Variants in SEMA6D observed in about 807,000 individuals in gnomAD.
SEMA6D encodes semaphorin-6D.
In SEMA6D, 35 loss-of-function variants were observed where a neutral mutation model predicts 106.6. The observed-to-expected ratio is 0.33, with a 90% CI of 0.25 to 0.44. SEMA6D has a LOEUF of 0.44. SEMA6D is among the 20% of genes least tolerant of loss of function. The pLI, the probability that SEMA6D is intolerant of heterozygous loss-of-function variation, is 1.00. For synonymous variants in SEMA6D, 499 were observed against 487.7 expected (o/e 1.02, Z -0.31); for missense variants, 1,185 against 1,345.9 (o/e 0.88, Z 1.87).
chr15:47,552,880 A>AT lies in SEMA6D; in HGVS notation c.-86-47985_-86-47984insT, dbSNP rs2045784624. ...TATATATATATTTTTATATATATAT[A>AT]AATATATATAAATATATATATATAT... is the stretch of plus-strand genomic sequence containing the variant. On this transcript the variant is annotated intron_variant, in intron 3 of 19. Coordinates refer to the SEMA6D transcript ENST00000558014. Among the ~76,000 whole-genome samples the AT allele has an allele frequency of 1.3e-3, 7 of 5,506 alleles. No individual in the cohort carries two copies. The East Asian group carries it at 0.025, about 20-fold the overall frequency. The allele number at this position is 5,506 out of a possible 152,430, so 3.6% of individuals were successfully genotyped here.
chr15:47,219,340 C>A (rs973500494), intron 1 of SEMA6D, among the ~76,000 whole-genome samples: 1 of 152,146 alleles, frequency 6.6e-6, no homozygotes, highest in Non-Finnish European at 1.5e-5. Context: ...CAATAAAATT[C>A]TTTTAGGCGG....
At chr15:47,354,497 T>TTTTA (rs1555426844) in intron 1 of SEMA6D, among the ~76,000 whole-genome samples, 2 of 145,486 alleles carry the variant, frequency 1.4e-5, no homozygotes, top group Admixed American at 7.0e-5. Context: ...AAGAACTAAG[T>TTTTA]TATATATATA....
At chr15:47,328,208 G>A (rs1214709674) in intron 1 of SEMA6D, among the ~76,000 whole-genome samples, 1 of 152,180 alleles carries the variant, frequency 6.6e-6, no homozygotes, top group African/African-American at 2.4e-5. Flanking sequence ...AGTAAAGAAG[G>A]CAGGAAACAT....
At chr15:47,485,653 A>G (rs145652686) in intron 3 of SEMA6D, among the ~76,000 whole-genome samples, 2 of 152,282 alleles carry the variant, frequency 1.3e-5, no homozygotes, top group African/African-American at 4.8e-5. Flanking sequence ...CTGATGACAC[A>G]TTGCAAGAAA....
chr15:47,432,488 A>G (rs1457882915), intron 2 of SEMA6D, among the ~76,000 whole-genome samples: 1 of 107,888 alleles, frequency 9.3e-6, no homozygotes, highest in Non-Finnish European at 2.1e-5. Context: ...TTATTTCTAT[A>G]TATATATATA....
At chr15:47,604,878 T>TTTTG (rs2076744480) in intron 4 of SEMA6D, among the ~76,000 whole-genome samples, 1 of 151,246 alleles carries the variant, frequency 6.6e-6, no homozygotes. Flanking sequence ...TTTTTTTTTT[T>TTTTG]TGTATTTTTA....
At chr15:47,517,396 G>A (rs2044423177) in intron 3 of SEMA6D, among the ~76,000 whole-genome samples, 1 of 152,096 alleles carries the variant, frequency 6.6e-6, no homozygotes, top group Admixed American at 6.5e-5. Flanking sequence ...GTGTGTGCGT[G>A]TGTGTGTTTA....
At position 47,239,595 on chromosome 15, in the gene SEMA6D, CGTCTTAG is replaced by C. The variant is rs1417633565; in HGVS notation, c.-239+55180_-239+55186del. On this transcript the variant is annotated intron_variant, in intron 1 of 19. Transcript: ENST00000558014. ...GAAAGAATATGGGCTTCGGAGTTCA[CGTCTTAG>C]GTTCAAATCCTTCTGTGTCCACTGG... 2.6e-5 allele frequency among the ~76,000 whole-genome samples: 4 copies of C among 152,264 alleles called. No homozygotes were observed. The East Asian group carries it at 7.7e-4, about 29-fold the overall frequency.
At chr15:47,315,583 C>G (rs1004593562) in intron 1 of SEMA6D, among the ~76,000 whole-genome samples, 3 of 152,136 alleles carry the variant, frequency 2.0e-5, no homozygotes, top group Admixed American at 2.0e-4. Context: ...TATTCTGGGT[C>G]TTTTGCCTCT....
At chr15:47,188,273 C>T (rs1893709127) in intron 1 of SEMA6D, among the ~76,000 whole-genome samples, 1 of 151,878 alleles carries the variant, frequency 6.6e-6, no homozygotes. Context: ...TCAAATAAGC[C>T]CATTTAAATA....
intron 1 of SEMA6D, among the ~76,000 whole-genome samples, chr15:47,376,773 T>G (rs2039464347): frequency 6.6e-6 from 1 of 152,188 alleles, no homozygotes; most frequent in South Asian, 2.1e-4. Flanking sequence ...GTAAAATATG[T>G]TAAGTACCCC....
intron 1 of SEMA6D, among the ~76,000 whole-genome samples, chr15:47,228,551 A>G (rs2031974495): frequency 6.6e-6 from 1 of 151,948 alleles, no homozygotes; most frequent in Non-Finnish European, 1.5e-5. Context: ...AAAATAGCTG[A>G]TGTTCACTGT....
chr15:47,594,837 G>A (rs927513165), intron 3 of SEMA6D, among the ~76,000 whole-genome samples: 3 of 152,320 alleles, frequency 2.0e-5, no homozygotes, highest in Admixed American at 6.5e-5. Context: ...TTTTGAAGGA[G>A]GAGCAGATGT....
At chr15:47,629,177 A>G (rs899595696) in intron 4 of SEMA6D, among the ~76,000 whole-genome samples, 2 of 152,012 alleles carry the variant, frequency 1.3e-5, no homozygotes, top group African/African-American at 4.8e-5. Flanking sequence ...ATTCCTCCCA[A>G]TATATGGTAG....
At chr15:47,735,628 T>A (rs1446306883) in intron 1 of SEMA6D, among the ~76,000 whole-genome samples, 1 of 152,242 alleles carries the variant, frequency 6.6e-6, no homozygotes, top group African/African-American at 2.4e-5. Flanking sequence ...TCTTCAGTTC[T>A]GCTTGAAGCT....
At chr15:47,227,569 T>A (rs28631866) in intron 1 of SEMA6D, among the ~76,000 whole-genome samples, 59 of 127,946 alleles carry the variant, frequency 4.6e-4, no homozygotes, top group East Asian at 3.1e-3. Flanking sequence ...TCTCTCTCTC[T>A]CACACACACA....
chr15:47,314,647 G>T (rs1459750017), intron 1 of SEMA6D, among the ~76,000 whole-genome samples: 1 of 149,016 alleles, frequency 6.7e-6, no homozygotes, highest in Non-Finnish European at 1.5e-5. Flanking sequence ...GGGTAACAGG[G>T]TAACAGTTTT....
chr15:47,313,636 C>A (rs2036529101), intron 1 of SEMA6D, among the ~76,000 whole-genome samples: 1 of 152,160 alleles, frequency 6.6e-6, no homozygotes, highest in Non-Finnish European at 1.5e-5. Context: ...ACCATCATAG[C>A]TCATTGTAAC....
At chr15:47,564,791 G>A (rs1596326574) in intron 3 of SEMA6D, among the ~76,000 whole-genome samples, 5 of 151,898 alleles carry the variant, frequency 3.3e-5, no homozygotes, top group South Asian at 2.1e-4. Context: ...CCATGACCCC[G>A]CCCTACCCCA....
Sources: gnomAD v4.1 joint callset for allele counts (sites outside exome capture counted in the v4.1 genomes callset) on GRCh38, gnomAD v4.1.1 for gene constraint, MANE v1.5 for transcripts, NCBI Gene and HGNC (gene_info 2026-07-23, HGNC 2026-07-21) for gene names.